YAP1: variants seen among roughly 807,000 people sequenced by gnomAD.
The protein encoded by YAP1 is transcriptional coactivator YAP1.
A neutral mutation model predicts 56.9 loss-of-function variants in YAP1; 5 were observed. The observed-to-expected ratio is 0.09, with a 90% CI of 0.05 to 0.18. YAP1 has a LOEUF of 0.18. Among genes scored for constraint, YAP1 ranks in the 10% least tolerant of loss-of-function variants. The pLI, the probability that YAP1 is intolerant of heterozygous loss-of-function variation, is 1.00. For missense variants in YAP1, 539 were observed against 651.8 expected (o/e 0.83, Z 1.88); for synonymous variants, 265 against 248.1 (o/e 1.07, Z -0.64).
At chr11:102,224,673 C>G (rs1473267012) in intron 7 of YAP1, among the ~76,000 whole-genome samples, 1 of 140,816 alleles carries the variant, frequency 7.1e-6, no homozygotes. Context: ...ACCATTTACT[C>G]AGTTTTTAAG....
chr11:102,205,820 G>A, intron 4 of YAP1, 73 bp from the exon 5 acceptor site: 1 of 1,394,114 alleles, frequency 7.2e-7, no homozygotes, highest in Non-Finnish European at 9.4e-7. Flanking sequence ...AATTGCTTTT[G>A]AATAATTAAA....
intron 2 of YAP1, among the ~76,000 whole-genome samples, chr11:102,136,113 T>C (rs569104494): frequency 6.6e-6 from 1 of 152,328 alleles, no homozygotes; most frequent in African/African-American, 2.4e-5. Context: ...TGCATGGTAC[T>C]TTTGCTGGTC....
intron 2 of YAP1, among the ~76,000 whole-genome samples, chr11:102,123,732 T>A (rs1384536065): frequency 6.8e-6 from 1 of 147,494 alleles, no homozygotes; most frequent in Non-Finnish European, 1.5e-5. Flanking sequence ...CTCCACCTCC[T>A]GGGTTCATGC....
chr11:102,140,101 C>CA (rs1200501037), intron 2 of YAP1, among the ~76,000 whole-genome samples: 1 of 151,270 alleles, frequency 6.6e-6, no homozygotes, highest in Non-Finnish European at 1.5e-5. Context: ...TTTTTGGTGT[C>CA]AAAGTTTTAA....
At chr11:102,199,537 TG>T (rs916107220) in intron 4 of YAP1, among the ~76,000 whole-genome samples, 4 of 152,340 alleles carry the variant, frequency 2.6e-5, no homozygotes, top group African/African-American at 4.8e-5. Context: ...TTAATAAATA[TG>T]TTTTTTTTCC....
At chr11:102,111,430 C>T (rs1476048396) in intron 1 of YAP1, among the ~76,000 whole-genome samples, 1 of 148,588 alleles carries the variant, frequency 6.7e-6, no homozygotes. Flanking sequence ...GGGGGGCGTG[C>T]TTTCCCTCCT....
Position 102,120,168 on chromosome 11 carries a change from TGTAGC to T in YAP1, c.572+5775_572+5779del, listed in dbSNP as rs371186108. On this transcript the variant is annotated intron_variant, in intron 2 of 8. Coordinates refer to ENST00000282441, the MANE Select transcript of YAP1 (RefSeq NM_001130145.3). ...TTCATGGTTCTGGTTGCTCAAGTGC[TGTAGC>T]ACCAAGTTTCCTGGGAACAAGTACT... Among the ~76,000 whole-genome samples, 22 of 152,354 alleles carry T rather than the reference TGTAGC, an allele frequency of 1.4e-4. No individual in the cohort carries two copies. The South Asian group carries it at 3.9e-3, about 27-fold the overall frequency.
Position 102,110,927 on chromosome 11 carries a change from C to A in YAP1, c.79C>A (p.Gln27Lys). ...GQPPSQPPQG[Q>K]GPPSGPGQPA... ...GCCGCCTTCGCAGCCCCCGCAGGGG[C>A]AGGGCCCGCCGTCCGGACCCGGGCA... Residue 27 changes from glutamine (Q) to lysine (K), a missense_variant, in exon 1 of 9, where the codon CAG (glutamine) becomes AAG (lysine). Transcript: ENST00000282441. 6.9e-7 allele frequency: 1 copy of A among 1,458,396 alleles called. No individual in the cohort carries two copies. Among genetic ancestry groups the A allele is most frequent in the South Asian group, 1.4e-5 (1 of 72,692 alleles). 90.3% of individuals were successfully genotyped at this position (1,458,396 alleles called of 1,614,324 possible).
chr11:102,140,619 C>T (rs1201857437), intron 2 of YAP1, among the ~76,000 whole-genome samples: 2 of 151,988 alleles, frequency 1.3e-5, no homozygotes, highest in African/African-American at 2.4e-5. Context: ...CCAAAGCGGA[C>T]GGATCACGAG....
chr11:102,161,152 C>T (rs1322089355), intron 2 of YAP1, among the ~76,000 whole-genome samples: 2 of 150,300 alleles, frequency 1.3e-5, no homozygotes. Flanking sequence ...GTTCCGCCTC[C>T]CAGGTTCTCG....
At position 102,225,283 on chromosome 11, in the gene YAP1, C is replaced by T. The variant is rs950276927; in HGVS notation, c.1163+1531C>T. Among the ~76,000 whole-genome samples the T allele has an allele frequency of 7.2e-5, 11 of 152,018 alleles. No individual in the cohort carries two copies. The South Asian group carries it at 1.0e-3, about 14-fold the overall frequency. On this transcript the variant is annotated intron_variant, in intron 7 of 8. Transcript: ENST00000282441. ...TGGACCACCACCTGGGGTAAGAGTT[C>T]GAGACCAGCCTGACCAACATGGCGA...
At chr11:102,222,640 A>G (rs950853899) in intron 6 of YAP1, among the ~76,000 whole-genome samples, 14 of 152,114 alleles carry the variant, frequency 9.2e-5, no homozygotes, top group African/African-American at 3.4e-4. Context: ...TTTAAATATT[A>G]TGTTTGTGGT....
chr11:102,141,786 G>GCC (rs555797998), intron 2 of YAP1, among the ~76,000 whole-genome samples: 75 of 152,234 alleles, frequency 4.9e-4, no homozygotes, highest in African/African-American at 1.8e-3. Flanking sequence ...ATGTGGTAAG[G>GCC]CCCATTGGAC....
chr11:102,168,225 G>T (rs951603192), intron 3 of YAP1, among the ~76,000 whole-genome samples: 3 of 152,082 alleles, frequency 2.0e-5, no homozygotes, highest in African/African-American at 7.2e-5. Flanking sequence ...CTATGTGTAT[G>T]ATATATATTA....
At chr11:102,194,505 A>G (rs192317852) in intron 4 of YAP1, among the ~76,000 whole-genome samples, 3 of 152,230 alleles carry the variant, frequency 2.0e-5, no homozygotes, top group Admixed American at 6.5e-5. Flanking sequence ...TTTATGCAAC[A>G]AAAGTTTGGG....
intron 2 of YAP1, among the ~76,000 whole-genome samples, chr11:102,121,438 CAA>C (rs58207163): frequency 6.9e-6 from 1 of 144,518 alleles, no homozygotes. Context: ...GACCTTGTCT[CAA>C]AAAAAAAAAA....
At chr11:102,160,664 C>T (rs532143016) in intron 2 of YAP1, among the ~76,000 whole-genome samples, 2 of 147,344 alleles carry the variant, frequency 1.4e-5, no homozygotes, top group Admixed American at 6.9e-5. Flanking sequence ...AGCTAAAAGA[C>T]GTGTTTTTAT....
intron 4 of YAP1, among the ~76,000 whole-genome samples, chr11:102,189,961 C>T (rs886561562): frequency 1.3e-5 from 2 of 151,974 alleles, no homozygotes; most frequent in African/African-American, 4.8e-5. Context: ...ATAATATTTT[C>T]CTTTTGATGA....
intron 3 of YAP1, among the ~76,000 whole-genome samples, chr11:102,172,072 A>G (rs1043763572): frequency 6.6e-6 from 1 of 151,880 alleles, no homozygotes; most frequent in Non-Finnish European, 1.5e-5. Flanking sequence ...GTTTGCCTGT[A>G]ATCCCAGCTG....
Sources: gnomAD v4.1 joint callset for allele counts (sites outside exome capture counted in the v4.1 genomes callset) on GRCh38, gnomAD v4.1.1 for gene constraint, MANE v1.5 for transcripts, NCBI Gene and HGNC (gene_info 2026-07-23, HGNC 2026-07-21) for gene names.